Variants in SLC25A21 observed in about 807,000 individuals in gnomAD.
SLC25A21 encodes the protein solute carrier family 25 member 21.
SLC25A21 carries 47 observed loss-of-function variants against 43.8 expected under a neutral mutation model. The observed-to-expected ratio is 1.07, with a 90% CI of 0.85 to 1.37. The LOEUF (loss-of-function observed/expected upper bound fraction) is 1.37. SLC25A21 is among the 40% of genes most tolerant of loss of function. The pLI, the probability that SLC25A21 is intolerant of heterozygous loss-of-function variation, is 0.00. For missense variants in SLC25A21, 352 were observed against 350.2 expected, an observed-to-expected ratio of 1.00 and a Z score of -0.04; for synonymous variants, 131 against 121.3, an observed-to-expected ratio of 1.08 and a Z score of -0.52.
At chr14:36,798,665 T>C (rs1887757795) in intron 3 of SLC25A21, among the ~76,000 whole-genome samples, 1 of 152,056 alleles carries the variant, frequency 6.6e-6, no homozygotes, top group African/African-American at 2.4e-5. Context: ...AGAAGGCTGG[T>C]AAAGAAAATG....
chr14:36,854,801 G>A (rs931092867), intron 2 of SLC25A21, among the ~76,000 whole-genome samples: 2 of 152,030 alleles, frequency 1.3e-5, no homozygotes, highest in East Asian at 1.9e-4. Context: ...GTCTGGACTC[G>A]ATATTATCAA....
At chr14:36,939,972 C>T (rs146085557) in intron 1 of SLC25A21, among the ~76,000 whole-genome samples, 13 of 152,214 alleles carry the variant, frequency 8.5e-5, no homozygotes, top group African/African-American at 3.1e-4. Context: ...AAGAGATCTT[C>T]GTCGTCAATA....
chr14:36,702,475 C>CAAAAAAAAAAAAAAAAAAAAAGAA (rs1883319513), intron 7 of SLC25A21, among the ~76,000 whole-genome samples: 1 of 66,156 alleles, frequency 1.5e-5, no homozygotes, highest in African/African-American at 5.8e-5. Flanking sequence ...CCTGTCTCCA[C>CAAAAAAAAAAAAAAAAAAAAAGAA]AAAAAAAAAA....
intron 3 of SLC25A21, among the ~76,000 whole-genome samples, chr14:36,773,229 C>A (rs561219196): frequency 6.6e-6 from 1 of 152,012 alleles, no homozygotes; most frequent in East Asian, 1.9e-4. Flanking sequence ...GGCTAAACAA[C>A]CATGTAGAAT....
At chr14:36,985,018 C>T (rs1205923414) in intron 1 of SLC25A21, among the ~76,000 whole-genome samples, 1 of 151,496 alleles carries the variant, frequency 6.6e-6, no homozygotes, top group Non-Finnish European at 1.5e-5. Flanking sequence ...GAGTTCATGT[C>T]CTTTGTAGGG....
intron 3 of SLC25A21, among the ~76,000 whole-genome samples, chr14:36,800,147 C>T (rs848091): frequency 0.65 from 98,831 of 151,960 alleles, 33,083 homozygotes; most frequent in East Asian, 0.89. Flanking sequence ...ACATAATTCT[C>T]ATAGCTTTTT....
At chr14:36,770,308 C>A (rs908006041) in intron 3 of SLC25A21, among the ~76,000 whole-genome samples, 1 of 151,978 alleles carries the variant, frequency 6.6e-6, no homozygotes, top group Non-Finnish European at 1.5e-5. Flanking sequence ...TATAAGTGGG[C>A]GCTAAATATT....
chr14:36,855,844 C>T (rs1457592411), intron 2 of SLC25A21, among the ~76,000 whole-genome samples: 4 of 152,190 alleles, frequency 2.6e-5, no homozygotes, highest in Admixed American at 1.3e-4. Flanking sequence ...CTTCCCTTAA[C>T]CCAGTGGTTC....
intron 1 of SLC25A21, among the ~76,000 whole-genome samples, chr14:37,127,879 A>G (rs1366094572): frequency 6.6e-6 from 1 of 152,216 alleles, no homozygotes; most frequent in Non-Finnish European, 1.5e-5. Context: ...GGCTATATCA[A>G]ATTGTCATAA....
At chr14:36,860,058 C>A (rs1890023830) in intron 2 of SLC25A21, among the ~76,000 whole-genome samples, 1 of 146,504 alleles carries the variant, frequency 6.8e-6, no homozygotes, top group Admixed American at 6.9e-5. Flanking sequence ...TGGAAGTGGG[C>A]AAAAACAGTT....
At chr14:36,791,638 A>G (rs1251471133) in intron 3 of SLC25A21, among the ~76,000 whole-genome samples, 1 of 152,206 alleles carries the variant, frequency 6.6e-6, no homozygotes, top group Non-Finnish European at 1.5e-5. Context: ...TACTGTGCTC[A>G]TGGAGTTTTT....
At position 37,172,574 on chromosome 14, in the gene SLC25A21, G is replaced by T. The variant is rs755585934; in HGVS notation, c.-224C>A. ...CTGTTCGCAGCGCTCTCGCAGAGGC[G>T]CCCTCGGCTCCGAAAATGTCTCTGG... is the stretch of plus-strand genomic sequence containing the variant. On this transcript the variant is annotated 5_prime_UTR_variant, in exon 1 of 10. Transcript: ENST00000331299. The T allele has an allele frequency of 1.4e-6, 1 of 701,040 alleles. No homozygotes were observed. Among genetic ancestry groups the T allele is most frequent in the Non-Finnish European group, 2.6e-6 (1 of 384,430 alleles). 43.4% of individuals were successfully genotyped at this position (701,040 alleles called of 1,614,324 possible).
At chr14:37,004,650 T>A (rs1311374918) in intron 1 of SLC25A21, among the ~76,000 whole-genome samples, 1 of 152,100 alleles carries the variant, frequency 6.6e-6, no homozygotes, top group African/African-American at 2.4e-5. Flanking sequence ...CTGCATCAGG[T>A]GTGAGCAGAC....
rs539530734 is a variant in SLC25A21 at position 37,128,520 on chromosome 14, G to GTCTCTC, written c.70+43755_70+43760dup. Reference sequence around the variant, plus strand: ...TTCTGCATGTTAAGCATTACTTTCTGTCTCTCTCTCTCTCTCTCTGTGTGT... The same window carrying GTCTCTC: ...TTCTGCATGTTAAGCATTACTTTCTGTCTCTCTCTCTCTCTCTCTCTCTCTGTGTGT... On this transcript the variant is annotated intron_variant, in intron 1 of 9. Coordinates refer to ENST00000331299, the MANE Select transcript of SLC25A21 (RefSeq NM_030631.4). Among the ~76,000 whole-genome samples, 43 of 134,584 alleles carry GTCTCTC rather than the reference G, an allele frequency of 3.2e-4. 1 individual carries two copies. The South Asian group carries it at 3.6e-3, about 11-fold the overall frequency. 88.3% of individuals were successfully genotyped at this position (134,584 alleles called of 152,430 possible).
chr14:36,787,274 T>C (rs958877296), intron 3 of SLC25A21, among the ~76,000 whole-genome samples: 1 of 152,200 alleles, frequency 6.6e-6, no homozygotes, highest in Non-Finnish European at 1.5e-5. Context: ...TGAGAAGCCA[T>C]GAAAACTAAG....
At position 37,023,684 on chromosome 14, in the gene SLC25A21, C is replaced by T. The variant is rs553401278; in HGVS notation, c.70+148597G>A. 5.9e-4 allele frequency among the ~76,000 whole-genome samples: 89 copies of T among 152,102 alleles called. No homozygotes were observed. The Middle Eastern group carries it at 0.01, about 17-fold the overall frequency. ...AATAATAAATACTGAACTCCCAGAACACCCTTCCAAATATTCTTTGCTCCT... is the reference window on the plus strand; with the variant it reads ...AATAATAAATACTGAACTCCCAGAATACCCTTCCAAATATTCTTTGCTCCT... On this transcript the variant is annotated intron_variant, in intron 1 of 9. Coordinates refer to ENST00000331299, the MANE Select transcript of SLC25A21 (RefSeq NM_030631.4).
chr14:37,123,930 T>C (rs1039889759), intron 1 of SLC25A21, among the ~76,000 whole-genome samples: 7 of 152,166 alleles, frequency 4.6e-5, no homozygotes, highest in South Asian at 2.1e-4. Context: ...ACTGGGGATA[T>C]AGTTATTAGT....
chr14:37,114,615 T>C (rs1963074366), intron 1 of SLC25A21, among the ~76,000 whole-genome samples: 1 of 152,218 alleles, frequency 6.6e-6, no homozygotes. Flanking sequence ...ATCATAGAAT[T>C]TCTTTCTAGT....
At chr14:36,983,814 T>C (rs1478478803) in intron 1 of SLC25A21, among the ~76,000 whole-genome samples, 1 of 152,038 alleles carries the variant, frequency 6.6e-6, no homozygotes, top group African/African-American at 2.4e-5. Context: ...CAGCCCTAAA[T>C]AAGAATGGAA....
Sources: allele counts gnomAD v4.1 joint callset (sites outside exome capture counted in the v4.1 genomes callset), GRCh38; gene constraint gnomAD v4.1.1; transcripts MANE v1.5; gene names NCBI Gene and HGNC (gene_info 2026-07-23, HGNC 2026-07-21).